The following NPAS3 variants were observed in gnomAD, a reference collection of about 807,000 sequenced individuals.
NPAS3 encodes the protein neuronal PAS domain-containing protein 3.
NPAS3 carries 14 observed loss-of-function variants against 73.1 expected under a neutral mutation model. The ratio of observed to expected loss-of-function variants is 0.19; its 90% confidence interval spans 0.13 to 0.30. NPAS3 has a LOEUF of 0.30. NPAS3 is among the 10% of genes least tolerant of loss of function. NPAS3 has a pLI of 1.00. For synonymous variants in NPAS3, 620 were observed against 541.5 expected, an observed-to-expected ratio of 1.14 and a Z score of -2.01; for missense variants, 1,096 against 1,250.0, an observed-to-expected ratio of 0.88 and a Z score of 1.86.
At chr14:33,030,493 G>A (rs866323220) in intron 1 of NPAS3, among the ~76,000 whole-genome samples, 8 of 152,170 alleles carry the variant, frequency 5.3e-5, no homozygotes, top group South Asian at 4.2e-4. Flanking sequence ...TTGCTGTTGC[G>A]ATTAGATGAT....
intron 1 of NPAS3, among the ~76,000 whole-genome samples, chr14:33,026,346 T>C (rs975292472): frequency 2.6e-5 from 4 of 152,202 alleles, no homozygotes; most frequent in African/African-American, 9.6e-5. Context: ...TAATCAACTG[T>C]TCTTCACTAA....
At chr14:33,023,910 T>C (rs1404054377) in intron 1 of NPAS3, among the ~76,000 whole-genome samples, 6 of 152,124 alleles carry the variant, frequency 3.9e-5, no homozygotes, top group Admixed American at 3.9e-4. Context: ...TTATTGAACA[T>C]TTACTGTATG....
At chr14:33,296,561 G>A (rs934506722) in intron 3 of NPAS3, among the ~76,000 whole-genome samples, 4 of 152,222 alleles carry the variant, frequency 2.6e-5, no homozygotes, top group Admixed American at 2.0e-4. Context: ...CACCTGGGGT[G>A]CAGCTGGTAA....
At chr14:33,090,024 C>T (rs1015537686) in intron 2 of NPAS3, among the ~76,000 whole-genome samples, 10 of 152,148 alleles carry the variant, frequency 6.6e-5, no homozygotes, top group African/African-American at 2.2e-4. Flanking sequence ...GGAACAACCA[C>T]TACTAACCAC....
chr14:33,474,501 G>A (rs1022623914), intron 4 of NPAS3, among the ~76,000 whole-genome samples: 1 of 152,088 alleles, frequency 6.6e-6, no homozygotes. Flanking sequence ...GGACGGAGAG[G>A]AGGTAAAATT....
chr14:32,967,292 A>G (rs992484656), intron 1 of NPAS3, among the ~76,000 whole-genome samples: 1 of 152,244 alleles, frequency 6.6e-6, no homozygotes, highest in Non-Finnish European at 1.5e-5. Flanking sequence ...TATTATAAGA[A>G]TATATAATGC....
chr14:33,422,620 A>G (rs1451529300), intron 4 of NPAS3, among the ~76,000 whole-genome samples: 1 of 151,966 alleles, frequency 6.6e-6, no homozygotes, highest in Non-Finnish European at 1.5e-5. Flanking sequence ...ATGAGGGCAG[A>G]GTCCCTTTTA....
intron 7 of NPAS3, among the ~76,000 whole-genome samples, chr14:33,773,697 T>C (rs982825333): frequency 1.3e-5 from 2 of 152,152 alleles, no homozygotes; most frequent in African/African-American, 4.8e-5. Context: ...GACCCTACTT[T>C]AGTATGAGCT....
At chr14:33,359,245 T>C (rs1377136510) in intron 3 of NPAS3, among the ~76,000 whole-genome samples, 1 of 152,214 alleles carries the variant, frequency 6.6e-6, no homozygotes, top group Non-Finnish European at 1.5e-5. Flanking sequence ...GAACCAACGT[T>C]AGTTCCCTGT....
At chr14:33,644,532 T>G (rs892631211) in intron 5 of NPAS3, among the ~76,000 whole-genome samples, 9 of 152,180 alleles carry the variant, frequency 5.9e-5, no homozygotes, top group African/African-American at 1.9e-4. Flanking sequence ...CATATCTGTT[T>G]TCATTTTCTT....
At chr14:33,665,321 G>C (rs999905397) in intron 5 of NPAS3, among the ~76,000 whole-genome samples, 1 of 152,162 alleles carries the variant, frequency 6.6e-6, no homozygotes, top group Non-Finnish European at 1.5e-5. Context: ...GGGAGGGATA[G>C]CATTAGGAGA....
At chr14:33,372,129 G>C (rs2046117265) in intron 4 of NPAS3, among the ~76,000 whole-genome samples, 1 of 152,126 alleles carries the variant, frequency 6.6e-6, no homozygotes. Context: ...CTAAAGTAGA[G>C]GTCAGTTCCA....
At chr14:32,941,520 C>T (rs2036015506) in intron 1 of NPAS3, among the ~76,000 whole-genome samples, 1 of 151,338 alleles carries the variant, frequency 6.6e-6, no homozygotes, top group Non-Finnish European at 1.5e-5. Flanking sequence ...CGTTCTTTAT[C>T]ACCTGTCTCC....
At chr14:33,703,996 A>G (rs1291739485) in intron 6 of NPAS3, among the ~76,000 whole-genome samples, 1 of 152,210 alleles carries the variant, frequency 6.6e-6, no homozygotes, top group African/African-American at 2.4e-5. Context: ...GAAACCTTGG[A>G]CAAGTTATTT....
chr14:33,721,228 T>C (rs61973008), intron 6 of NPAS3, among the ~76,000 whole-genome samples: 47,433 of 152,082 alleles, frequency 0.31, 9,618 homozygotes, highest in Non-Finnish European at 0.46. Context: ...TTCCCCTAAA[T>C]TACTTACATA....
At chr14:33,447,290 G>A (rs2049556948) in intron 4 of NPAS3, among the ~76,000 whole-genome samples, 1 of 152,166 alleles carries the variant, frequency 6.6e-6, no homozygotes, top group Non-Finnish European at 1.5e-5. Flanking sequence ...ATGTGCAAAG[G>A]CACAGAAACA....
chr14:33,657,863 T>C (rs2059191880), intron 5 of NPAS3, among the ~76,000 whole-genome samples: 1 of 152,128 alleles, frequency 6.6e-6, no homozygotes, highest in South Asian at 2.1e-4. Context: ...TAACATCTAG[T>C]TCTAGGTGAG....
At chr14:33,585,682 T>C (rs17101570) in intron 5 of NPAS3, among the ~76,000 whole-genome samples, 21,238 of 152,220 alleles carry the variant, frequency 0.14, 1,613 homozygotes, top group East Asian at 0.32. Flanking sequence ...GCCAACCTAT[T>C]ATCAGAACTA....
intron 4 of NPAS3, among the ~76,000 whole-genome samples, chr14:33,497,241 A>G (rs1026945080): frequency 6.6e-5 from 10 of 152,340 alleles, no homozygotes; most frequent in African/African-American, 2.4e-4. Context: ...CGTGGATAGG[A>G]AGAATCAATA....
Sources: allele counts gnomAD v4.1 joint callset (sites outside exome capture counted in the v4.1 genomes callset), GRCh38; gene constraint gnomAD v4.1.1; transcripts MANE v1.5; gene names NCBI Gene and HGNC (gene_info 2026-07-23, HGNC 2026-07-21).